Variants in RNF220 observed in about 807,000 individuals in gnomAD.
RNF220 encodes the protein ring finger protein 220.
Under a neutral mutation model 67.1 loss-of-function variants are expected in RNF220, and 7 were observed. That is an observed-to-expected ratio of 0.10 (90% CI 0.06 to 0.20). The LOEUF is 0.20. Ranked by LOEUF, RNF220 falls within the 10% of genes least tolerant of loss-of-function variation. The probability of loss-of-function intolerance (pLI) is 1.00; values close to 1 mark genes in which losing one functional copy is unlikely to be tolerated. For synonymous variants in RNF220, 270 were observed against 283.2 expected, an observed-to-expected ratio of 0.95 and a Z score of 0.47; for missense variants, 565 against 740.3, an observed-to-expected ratio of 0.76 and a Z score of 2.75.
chr1:44,605,431 T>G (rs1166907737), intron 2 of RNF220, among the ~76,000 whole-genome samples: 2 of 152,214 alleles, frequency 1.3e-5, no homozygotes, highest in African/African-American at 4.8e-5. Context: ...CTTTGGGGAT[T>G]TAGCGAGGTC....
intron 2 of RNF220, among the ~76,000 whole-genome samples, chr1:44,497,540 C>T (rs771661003): frequency 2.0e-5 from 3 of 152,146 alleles, no homozygotes; most frequent in African/African-American, 4.8e-5. Flanking sequence ...TCCTTTCATC[C>T]GCCTGTGGGT....
At chr1:44,582,482 C>T (rs1194736819) in intron 2 of RNF220, among the ~76,000 whole-genome samples, 2 of 152,150 alleles carry the variant, frequency 1.3e-5, no homozygotes, top group African/African-American at 2.4e-5. Flanking sequence ...TGGTGCCGGG[C>T]GCGGTGGCTC....
At chr1:44,414,104 T>C (rs1477263890) in intron 2 of RNF220, among the ~76,000 whole-genome samples, 1 of 152,252 alleles carries the variant, frequency 6.6e-6, no homozygotes, top group Non-Finnish European at 1.5e-5. Context: ...CTACTGCTAG[T>C]GTTGCCCTCT....
At chr1:44,470,299 T>C (rs1200981272) in intron 2 of RNF220, among the ~76,000 whole-genome samples, 1 of 152,174 alleles carries the variant, frequency 6.6e-6, no homozygotes, top group Admixed American at 6.5e-5. Context: ...ATGAGACAGA[T>C]AACAATGGAA....
intron 2 of RNF220, among the ~76,000 whole-genome samples, chr1:44,557,902 C>T (rs1663246053): frequency 6.6e-6 from 1 of 152,230 alleles, no homozygotes; most frequent in African/African-American, 2.4e-5. Context: ...ATCGACCCTT[C>T]CCCACTGAGG....
chr1:44,547,846 C>G (rs1417699669), intron 2 of RNF220, among the ~76,000 whole-genome samples: 3 of 152,160 alleles, frequency 2.0e-5, no homozygotes, highest in Non-Finnish European at 4.4e-5. Context: ...ACATTGTCAT[C>G]CTCTCAGTTA....
intron 4 of RNF220, among the ~76,000 whole-genome samples, chr1:44,625,804 AC>A (rs1229675481): frequency 6.6e-6 from 1 of 151,796 alleles, no homozygotes; most frequent in Admixed American, 6.6e-5. Context: ...TGGGGTCATC[AC>A]CGTAGCACCG....
chr1:44,482,887 C>T (rs1655950328), intron 2 of RNF220, among the ~76,000 whole-genome samples: 1 of 142,306 alleles, frequency 7.0e-6, no homozygotes. Flanking sequence ...TTCCAAAGTG[C>T]TGGGATTGTA....
intron 2 of RNF220, among the ~76,000 whole-genome samples, chr1:44,579,378 C>G (rs1665070702): frequency 6.6e-6 from 1 of 152,140 alleles, no homozygotes; most frequent in Non-Finnish European, 1.5e-5. Context: ...GAAATCAACA[C>G]TAGTTGCTTT....
intron 2 of RNF220, among the ~76,000 whole-genome samples, chr1:44,451,081 G>A (rs1652625026): frequency 6.6e-6 from 1 of 152,096 alleles, no homozygotes. Flanking sequence ...TACTCAGGAG[G>A]CTGAGGCAGG....
chr1:44,446,761 G>T (rs1652143641), intron 2 of RNF220, among the ~76,000 whole-genome samples: 1 of 152,074 alleles, frequency 6.6e-6, no homozygotes, highest in Non-Finnish European at 1.5e-5. Flanking sequence ...GTTTCACCAT[G>T]CTGGCCAGGC....
intron 2 of RNF220, among the ~76,000 whole-genome samples, chr1:44,531,183 T>A (rs956264104): frequency 7.9e-5 from 12 of 152,298 alleles, no homozygotes; most frequent in Admixed American, 3.3e-4. Context: ...CCTCCCTTGC[T>A]TCCTGTAATC....
Position 44,606,377 on chromosome 1 carries a change from GAGA to G in RNF220, c.626-7785_626-7783del, listed in dbSNP as rs1386353951. Among the ~76,000 whole-genome samples, 3 of 152,250 alleles carry G rather than the reference GAGA, an allele frequency of 2.0e-5. No homozygotes were observed. The highest frequency in any genetic ancestry group is 7.2e-5 in the African/African-American group (3 of 41,462). ...GCAGAGGCGCCAATCATAGTTTTAAGAGAAGGAGGAAGGGACTGAGTGAGGGGA... is the reference window on the plus strand; with the variant it reads ...GCAGAGGCGCCAATCATAGTTTTAAGAGGAGGAAGGGACTGAGTGAGGGGA... On this transcript the variant is annotated intron_variant, in intron 2 of 14. Coordinates refer to ENST00000361799, the MANE Select transcript of RNF220 (RefSeq NM_018150.4). This position sits in a 1 kb window ranked among gnomAD's most constrained non-coding sequence, Gnocchi z 4.2.
chr1:44,626,061 A>G (rs891488555), intron 4 of RNF220, among the ~76,000 whole-genome samples: 6 of 152,142 alleles, frequency 3.9e-5, no homozygotes, highest in African/African-American at 1.4e-4. Flanking sequence ...GACAGAGATT[A>G]GCCTAAGCAG....
At chr1:44,585,744 T>G (rs1397634318) in intron 2 of RNF220, among the ~76,000 whole-genome samples, 2 of 152,204 alleles carry the variant, frequency 1.3e-5, no homozygotes, top group Non-Finnish European at 2.9e-5. Flanking sequence ...CTGTGTGACC[T>G]TGGGCAAGTT....
At chr1:44,636,419 G>A (rs1438375937) in intron 8 of RNF220, 1 of 719,806 alleles carries the variant, frequency 1.4e-6, no homozygotes, top group Non-Finnish European at 2.6e-6. Context: ...CTCAGCTTCG[G>A]GTGATGCATT....
intron 2 of RNF220, among the ~76,000 whole-genome samples, chr1:44,567,471 C>A (rs1287130008): frequency 6.6e-6 from 1 of 152,080 alleles, no homozygotes; most frequent in African/African-American, 2.4e-5. Flanking sequence ...CAGCAGTGAC[C>A]AACTGAGAAG....
At chr1:44,411,644 A>T (rs1647973957) in intron 1 of RNF220, among the ~76,000 whole-genome samples, 1 of 152,170 alleles carries the variant, frequency 6.6e-6, no homozygotes, top group Non-Finnish European at 1.5e-5. Flanking sequence ...CCCCCACTTA[A>T]TCTACTGGAT....
At chr1:44,610,447 T>G (rs1643241315) in intron 2 of RNF220, among the ~76,000 whole-genome samples, 1 of 152,146 alleles carries the variant, frequency 6.6e-6, no homozygotes, top group South Asian at 2.1e-4. Context: ...CCCCATCCCC[T>G]TGTGCTTCCC....
Sources: gnomAD v4.1 joint callset for allele counts (sites outside exome capture counted in the v4.1 genomes callset) on GRCh38, gnomAD v4.1.1 for gene constraint, Gnocchi (gnomAD v3.1) non-coding constraint, MANE v1.5 for transcripts, NCBI Gene and HGNC (gene_info 2026-07-23, HGNC 2026-07-21) for gene names.